The following PCDHGC3 variants were observed in gnomAD, a reference collection of about 807,000 sequenced individuals.
PCDHGC3 encodes protocadherin gamma-C3.
PCDHGC3 carries 26 observed loss-of-function variants against 59.2 expected under a neutral mutation model. The ratio of observed to expected loss-of-function variants is 0.44; its 90% CI spans 0.32 to 0.61. The LOEUF (loss-of-function observed/expected upper bound fraction) is 0.61. Among genes scored for constraint, PCDHGC3 ranks in the 20% least tolerant of loss-of-function variants. The pLI is 0.05. For missense variants in PCDHGC3, 1,080 were observed against 1,221.8 expected, an observed-to-expected ratio of 0.88 and a Z score of 1.73; for synonymous variants, 487 against 519.7, an observed-to-expected ratio of 0.94 and a Z score of 0.86.
Position 141,477,197 on chromosome 5 carries a change from G to C in PCDHGC3, c.1081G>C (p.Val361Leu), listed in dbSNP as rs781504885. 6.2e-7 allele frequency: 1 copy of C among 1,614,210 alleles called. No homozygotes were observed. Among genetic ancestry groups the C allele is most frequent in the South Asian group, 1.1e-5 (1 of 91,082 alleles). Residue 361 changes from valine (V) to leucine (L), a missense_variant, in exon 1 of 4, where the codon GTA becomes CTA. Transcript: ENST00000308177. The surrounding 1 kb of genome is among the most constrained non-coding windows in gnomAD (Gnocchi z 4.9). ...EITVTSVYSPVPEDAPLGTVI... is the reference protein window; with the variant it reads ...EITVTSVYSPLPEDAPLGTVI... ...CACAGTCACCTCCGTGTACAGCCCA[G>C]TACCCGAGGATGCCCCTCTGGGGAC...
intron 3 of PCDHGC3, among the ~76,000 whole-genome samples, chr5:141,507,713 C>T (rs2099862763): frequency 6.6e-6 from 1 of 152,234 alleles, no homozygotes; most frequent in Non-Finnish European, 1.5e-5. Flanking sequence ...GGCCCCAAAC[C>T]CTCCAAGCAA....
rs749499883 is a variant in PCDHGC3 at position 141,486,382 on chromosome 5, C to T, written c.2430+7836C>T. ...TTGCCCTCAAGTCTGCCTTCAGGAA[C>T]CAGTTCTCCCTGGTGACTGCTGGAC... is the stretch of plus-strand genomic sequence containing the variant. On this transcript the variant is annotated intron_variant, in intron 1 of 3. Transcript: ENST00000308177. The surrounding 1 kb of genome is among the most constrained non-coding windows in gnomAD (Gnocchi z 5.0). 25 of 1,613,986 alleles carry T rather than the reference C, an allele frequency of 1.5e-5. No homozygotes were observed. The highest frequency in any genetic ancestry group is 1.9e-5 in the Non-Finnish European group (23 of 1,179,998).
In PCDHGC3 at chr5:141,478,182, A is replaced by T. The variant is rs777228133; in HGVS notation, c.2066A>T (p.Asn689Ile). The T allele has an allele frequency of 5.0e-6, 8 of 1,613,866 alleles. No individual in the cohort carries two copies. In the South Asian group the frequency reaches 8.8e-5, roughly 18 times the overall value. The part of the protein sequence containing the change: ...SGSAPREQKK[N>I]LTFYLLLSLI... ...TCTGCCCCCCGGGAGCAGAAAAAAA[A>T]TCTCACCTTTTATCTACTTCTTTCT... is the stretch of plus-strand genomic sequence containing the variant. The change falls in exon 1 of 4, where the codon AAT becomes ATT. Residue 689 changes from asparagine to isoleucine, a missense_variant. Transcript: ENST00000308177.
chr5:141,476,733 G>C lies in PCDHGC3; in HGVS notation c.617G>C (p.Arg206Pro), dbSNP rs373439335. The change falls in exon 1 of 4, where the codon CGG (arginine) becomes CCG (proline). Residue 206 changes from arginine (R) to proline (P), a missense_variant. Transcript: ENST00000308177. This position sits in a 1 kb window ranked among gnomAD's most constrained non-coding sequence, Gnocchi z 7.6. ...TTGGAGCGCGCCCTGGACCGAGAAC[G>C]GGAGCCTAGTCTCCAGTTAGTGCTG... ...LVLERALDRE[R>P]EPSLQLVLTA... 6.2e-6 allele frequency: 10 copies of C among 1,614,062 alleles called. No individual in the cohort carries two copies. The highest frequency in any genetic ancestry group is 2.2e-5 in the East Asian group (1 of 44,870).
rs2099605934 is a variant in PCDHGC3, at chr5:141,485,057, C to G, written c.2430+6511C>G. On this transcript the variant is annotated intron_variant, in intron 1 of 3. Transcript: ENST00000308177. The surrounding 1 kb of genome is among the most constrained non-coding windows in gnomAD (Gnocchi z 5.7). ...GTAACCCTTGCGGCGCCGGCCGAAC[C>G]GCGCCAGAGCTGGCGCGGGGAAAGG... The G allele has an allele frequency of 1.2e-6, 1 of 843,720 alleles. No homozygotes were observed. Among genetic ancestry groups the G allele is most frequent in the Non-Finnish European group, 1.9e-6 (1 of 524,586 alleles). 52.3% of individuals were successfully genotyped at this position (843,720 alleles called of 1,614,324 possible).
Position 141,487,297 on chromosome 5 carries a change from C to T in PCDHGC3, c.2431-7510C>T, listed in dbSNP as rs770262058. ...TTTGCTTTGTCTCCTTTGGCTCATT[C>T]GTGGCACTACTCTCTAAGTGTCTTC... On this transcript the variant is annotated intron_variant, in intron 1 of 3. Coordinates refer to ENST00000308177, the MANE Select transcript of PCDHGC3 (RefSeq NM_002588.4). This position sits in a 1 kb window ranked among gnomAD's most constrained non-coding sequence, Gnocchi z 5.0. The T allele has an allele frequency of 3.2e-5, 52 of 1,613,984 alleles. No homozygotes were observed. The highest frequency in any genetic ancestry group is 4.0e-5 in the African/African-American group (3 of 74,912).
chr5:141,501,693 G>T (rs1417828433), intron 2 of PCDHGC3, among the ~76,000 whole-genome samples: 1 of 152,028 alleles, frequency 6.6e-6, no homozygotes, highest in Non-Finnish European at 1.5e-5. Context: ...TATCTGCAGG[G>T]TGATTCCGAG....
In PCDHGC3 at chr5:141,490,770, C is replaced by T. The variant is rs774014462; in HGVS notation, c.2431-4037C>T. 1.2e-6 allele frequency: 2 copies of T among 1,614,120 alleles called. No individual in the cohort carries two copies. Among genetic ancestry groups the T allele is most frequent in the Non-Finnish European group, 8.5e-7 (1 of 1,179,968 alleles). ...CAGCCTCCTCCTTTGTGTATGTCAA[C>T]CCAGAGGATGGACGGATCTTTGCCC... On this transcript the variant is annotated intron_variant, in intron 1 of 3. Transcript: ENST00000308177. The surrounding 1 kb of genome is among the most constrained non-coding windows in gnomAD (Gnocchi z 5.4).
chr5:141,480,887 A>T (rs2099527301), intron 1 of PCDHGC3, among the ~76,000 whole-genome samples: 1 of 152,146 alleles, frequency 6.6e-6, no homozygotes. Flanking sequence ...TCTACTAAAA[A>T]TGCAAACATT....
chr5:141,506,380 T>C (rs1209879935), intron 3 of PCDHGC3, among the ~76,000 whole-genome samples: 1 of 141,314 alleles, frequency 7.1e-6, no homozygotes, highest in Non-Finnish European at 1.5e-5. Flanking sequence ...ACCTGGGAGG[T>C]GGCTGTGGTG....
At chr5:141,500,876 A>G (rs909126749) in intron 2 of PCDHGC3, among the ~76,000 whole-genome samples, 1 of 124,952 alleles carries the variant, frequency 8.0e-6, no homozygotes, top group African/African-American at 3.5e-5. Flanking sequence ...ATTCATTTAC[A>G]ATTTTTTTTT....
chr5:141,502,634 T>C (rs1306951640), intron 2 of PCDHGC3, among the ~76,000 whole-genome samples: 1 of 152,228 alleles, frequency 6.6e-6, no homozygotes. Flanking sequence ...CTGTGGATGA[T>C]ACTTTGAGAT....
rs1243327893 is a variant in PCDHGC3, at chr5:141,491,671, C to A, written c.2431-3136C>A. 2.5e-6 allele frequency: 4 copies of A among 1,613,366 alleles called. No homozygotes were observed. Among genetic ancestry groups the A allele is most frequent in the Non-Finnish European group, 3.4e-6 (4 of 1,179,808 alleles). On this transcript the variant is annotated intron_variant, in intron 1 of 3. Coordinates refer to ENST00000308177, the MANE Select transcript of PCDHGC3 (RefSeq NM_002588.4). The surrounding 1 kb of genome is among the most constrained non-coding windows in gnomAD (Gnocchi z 6.9). Reference sequence around the variant, plus strand: ...GCTGGAGCCTGACGCCATCCGGTCCCGCTCTAATACGCTGCGGGAGCGGAG... The same window carrying A: ...GCTGGAGCCTGACGCCATCCGGTCCAGCTCTAATACGCTGCGGGAGCGGAG...
chr5:141,490,736 A>G lies in PCDHGC3; in HGVS notation c.2431-4071A>G, dbSNP rs747567176. The G allele has an allele frequency of 5.0e-6, 8 of 1,614,084 alleles. No individual in the cohort carries two copies. Among genetic ancestry groups the G allele is most frequent in the Non-Finnish European group, 6.8e-6 (8 of 1,180,034 alleles). On this transcript the variant is annotated intron_variant, in intron 1 of 3. Transcript: ENST00000308177. This position sits in a 1 kb window ranked among gnomAD's most constrained non-coding sequence, Gnocchi z 5.4. The stretch of plus-strand genomic sequence containing the variant: ...TACTCCATTGTAGGAAATCAGGTTC[A>G]GGGAGCCCCAGCCTCCTCCTTTGTG...
At position 141,477,401 on chromosome 5, in the gene PCDHGC3, G is replaced by T. The variant is rs781253466; in HGVS notation, c.1285G>T (p.Ala429Ser). Residue 429 changes from alanine to serine, a missense_variant, in exon 1 of 4, where the codon GCC becomes TCC. Ala to Ser is a moderately conservative substitution (Grantham distance 99). Coordinates refer to ENST00000308177, the MANE Select transcript of PCDHGC3 (RefSeq NM_002588.4). The surrounding 1 kb of genome is among the most constrained non-coding windows in gnomAD (Gnocchi z 4.9). ...GCCAGAATACAACCTCAGCATCACC[G>T]CCCGAGACGCCGGAACCCCTTCCCT... ...TVPEYNLSITARDAGTPSLSA... is the reference protein window; with the variant it reads ...TVPEYNLSITSRDAGTPSLSA... 8 of 1,613,960 alleles carry T rather than the reference G, an allele frequency of 5.0e-6. No homozygotes were observed. The highest frequency in any genetic ancestry group is 4.5e-5 in the East Asian group (2 of 44,890).
intron 2 of PCDHGC3, among the ~76,000 whole-genome samples, chr5:141,496,467 TC>T (rs1289225541): frequency 1.3e-5 from 2 of 152,176 alleles, no homozygotes; most frequent in Admixed American, 1.3e-4. Flanking sequence ...GAGTTATCTT[TC>T]CCCCATCCTG....
intron 3 of PCDHGC3, among the ~76,000 whole-genome samples, chr5:141,509,766 G>A (rs1176830940): frequency 6.6e-6 from 1 of 152,104 alleles, no homozygotes; most frequent in Non-Finnish European, 1.5e-5. Flanking sequence ...TCCCTGAGAT[G>A]TCTAGTCCCC....
At chr5:141,478,936 G>A in intron 1 of PCDHGC3, 1 of 633,220 alleles carries the variant, frequency 1.6e-6, no homozygotes, top group African/African-American at 1.9e-5. Context: ...GCAGCTTCTA[G>A]GAATACAAAA....
rs746903142 is a variant in PCDHGC3, at chr5:141,491,667, G to T, written c.2431-3140G>T. ...TGGCGCTGGAGCCTGACGCCATCCG[G>T]TCCCGCTCTAATACGCTGCGGGAGC... On this transcript the variant is annotated intron_variant, in intron 1 of 3. Coordinates refer to ENST00000308177, the MANE Select transcript of PCDHGC3 (RefSeq NM_002588.4). The surrounding 1 kb of genome is among the most constrained non-coding windows in gnomAD (Gnocchi z 6.9). 1.9e-6 allele frequency: 3 copies of T among 1,613,794 alleles called. No individual in the cohort carries two copies. Among genetic ancestry groups the T allele is most frequent in the Admixed American group, 1.7e-5 (1 of 60,032 alleles).
Sources: allele counts gnomAD v4.1 joint callset (sites outside exome capture counted in the v4.1 genomes callset), GRCh38; gene constraint gnomAD v4.1.1; non-coding constraint Gnocchi (gnomAD v3.1); transcripts MANE v1.5; gene names NCBI Gene and HGNC (gene_info 2026-07-23, HGNC 2026-07-21).